MYO15A: variants seen among roughly 807,000 people sequenced by gnomAD.
The protein encoded by MYO15A is myosin XVA, also known as unconventional myosin-XV.
MYO15A carries 308 observed loss-of-function variants against 394.6 expected under a neutral mutation model. That is an observed-to-expected ratio of 0.78 (90% CI 0.71 to 0.86). MYO15A has a LOEUF of 0.86. MYO15A is among the 40% of genes least tolerant of loss of function. The pLI, the probability that MYO15A is intolerant of heterozygous loss-of-function variation, is 0.00. For missense variants in MYO15A, 4,606 were observed against 4,799.1 expected, an observed-to-expected ratio of 0.96 and a Z score of 1.19; for synonymous variants, 1,957 against 2,003.8, an observed-to-expected ratio of 0.98 and a Z score of 0.62.
At chr17:18,131,704 C>T (rs1253816565) in intron 10 of MYO15A, among the ~76,000 whole-genome samples, 173 bp downstream of exon 10, 2 of 152,120 alleles carry the variant, frequency 1.3e-5, no homozygotes, top group African/African-American at 2.4e-5. Flanking sequence ...CCTCCAGCCA[C>T]GGTGGCTCCT....
chr17:18,137,836 G>T, intron 16 of MYO15A, 157 bp downstream of exon 16: 2 of 982,212 alleles, frequency 2.0e-6, no homozygotes, highest in Non-Finnish European at 1.6e-6. Flanking sequence ...CCATGGGAAG[G>T]CCTCTGTTCT....
chr17:18,163,637 A>C, intron 59 of MYO15A, 105 bp from the exon 60 acceptor site: 1 of 1,028,692 alleles, frequency 9.7e-7, no homozygotes, highest in African/African-American at 1.6e-5. Context: ...CTTTGTGAAG[A>C]GGGCTGAGGA....
At chr17:18,133,498 C>G in intron 12 of MYO15A, 112 bp downstream of exon 12, 1 of 1,388,922 alleles carries the variant, frequency 7.2e-7, no homozygotes, top group Non-Finnish European at 9.7e-7. Context: ...ATCACTTGTT[C>G]CTGTTTTTTT....
intron 65 of MYO15A, among the ~76,000 whole-genome samples, chr17:18,174,408 C>G (rs2046984833): frequency 6.6e-6 from 1 of 152,104 alleles, no homozygotes; most frequent in Admixed American, 6.5e-5. Context: ...AAGAGGATCA[C>G]TTGAGCCCAG....
At position 18,166,531 on chromosome 17, in the gene MYO15A, C is replaced by T. The variant is rs754037599; in HGVS notation, c.9948+10C>T. 5.0e-6 allele frequency: 8 copies of T among 1,611,608 alleles called. No individual in the cohort carries two copies. The highest frequency in any genetic ancestry group is 4.5e-5 in the East Asian group (2 of 44,888). ...CATGCACTACAACCAGGTCAGCACA[C>T]GTAGGCTTCTCTGGACTCTGGGACC... On this transcript the variant is annotated intron_variant, in intron 61 of 65. Coordinates refer to ENST00000647165, the MANE Select transcript of MYO15A (RefSeq NM_016239.4).
At chr17:18,136,308 C>T (rs1262332359) in intron 13 of MYO15A, 109 bp from the exon 14 acceptor site, 5 of 1,355,222 alleles carry the variant, frequency 3.7e-6, no homozygotes, top group Non-Finnish European at 5.2e-6. Flanking sequence ...ACAGTCACAA[C>T]ATCCCTCCAG....
intron 33 of MYO15A, 61 bp downstream of exon 33, chr17:18,149,013 C>T: frequency 3.9e-6 from 6 of 1,539,054 alleles, no homozygotes; most frequent in Non-Finnish European, 5.3e-6. Context: ...GCCGGCCACT[C>T]CCAGGCAGAA....
chr17:18,137,745 A>G, intron 16 of MYO15A, 66 bp downstream of exon 16: 2 of 1,522,014 alleles, frequency 1.3e-6, no homozygotes, highest in Non-Finnish European at 1.8e-6. Context: ...TTGGAGACAG[A>G]TGAGGATATA....
At chr17:18,115,293 G>A (rs1232325321) in intron 1 of MYO15A, among the ~76,000 whole-genome samples, 3 of 152,088 alleles carry the variant, frequency 2.0e-5, no homozygotes, top group East Asian at 1.9e-4. Flanking sequence ...TCCTGCAGCC[G>A]CTTCTCCCAT....
rs1169071940 is a variant in MYO15A, at chr17:18,156,262, A to G, written c.8527A>G (p.Lys2843Glu). 1 of 1,613,978 alleles carries G rather than the reference A, an allele frequency of 6.2e-7. No homozygotes were observed. Among genetic ancestry groups the G allele is most frequent in the African/African-American group, 1.3e-5 (1 of 74,890 alleles). ...NMLEFNLASE[K>E]VILFSARAHQ... ...GCTGGAGTTCAACCTGGCCAGTGAG[A>G]AGGTCATCCTCTTCTCAGCCCGAGC... The change falls in exon 48 of 66, where the codon AAG becomes GAG. Residue 2843 changes from lysine to glutamate, a missense_variant. Transcript: ENST00000647165.
At chr17:18,128,563 A>C (rs2046095364) in intron 7 of MYO15A, among the ~76,000 whole-genome samples, 1 of 152,198 alleles carries the variant, frequency 6.6e-6, no homozygotes, top group African/African-American at 2.4e-5. Flanking sequence ...ATGACCAAAC[A>C]GATCATCCCT....
intron 8 of MYO15A, 130 bp downstream of exon 8, chr17:18,130,940 C>T: frequency 9.6e-7 from 1 of 1,042,238 alleles, no homozygotes; most frequent in Non-Finnish European, 1.4e-6. Context: ...GAAAGGACAT[C>T]CAAAGGCCTG....
chr17:18,135,531 G>A (rs548365520), intron 12 of MYO15A, among the ~76,000 whole-genome samples, 180 bp from the exon 13 acceptor site: 2 of 152,062 alleles, frequency 1.3e-5, no homozygotes, highest in African/African-American at 4.8e-5. Flanking sequence ...AGTAGAGACG[G>A]GGTTTCTCCA....
At chr17:18,145,592 T>TA (rs752577321) in intron 29 of MYO15A, among the ~76,000 whole-genome samples, 1 of 152,098 alleles carries the variant, frequency 6.6e-6, no homozygotes, top group Non-Finnish European at 1.5e-5. Flanking sequence ...CATGTGCCTG[T>TA]AATCCTAGCT....
At chr17:18,139,138 G>T in intron 18 of MYO15A, 1 of 733,314 alleles carries the variant, frequency 1.4e-6, no homozygotes, top group Non-Finnish European at 2.3e-6. Flanking sequence ...TAATAATAGT[G>T]CCCAACTCAT....
rs544806056 is a variant in MYO15A at position 18,147,881 on chromosome 17, G to A, written c.6510-148G>A. ...GCCTGGGACCCTTGTGAACCAGCCTGGAGCCTTTTTAGCCTCACCTTGGAG... is the reference window on the plus strand; with the variant it reads ...GCCTGGGACCCTTGTGAACCAGCCTAGAGCCTTTTTAGCCTCACCTTGGAG... On this transcript the variant is annotated intron_variant, in intron 30 of 65. Transcript: ENST00000647165. The surrounding 1 kb of genome is among the most constrained non-coding windows in gnomAD (Gnocchi z 4.4). 1.0e-3 allele frequency: 1,032 copies of A among 994,760 alleles called. 3 individuals carry two copies. Among genetic ancestry groups the A allele is most frequent in the Non-Finnish European group, 1.5e-3 (978 of 646,702 alleles). The allele number at this position is 994,760 out of a possible 1,614,324, so 61.6% of individuals were successfully genotyped here.
At chr17:18,116,507 A>C (rs2045787153) in intron 1 of MYO15A, among the ~76,000 whole-genome samples, 1 of 152,248 alleles carries the variant, frequency 6.6e-6, no homozygotes. Flanking sequence ...AATAGCTCAT[A>C]TCTCACAGAC....
chr17:18,130,444 A>G (rs1053879868), intron 7 of MYO15A, among the ~76,000 whole-genome samples: 9 of 151,864 alleles, frequency 5.9e-5, no homozygotes, highest in Admixed American at 4.6e-4. Flanking sequence ...GCGTGGGAGC[A>G]GTGACTTCCA....
chr17:18,160,330 A>G (rs1750291571), intron 56 of MYO15A, among the ~76,000 whole-genome samples: 1 of 152,192 alleles, frequency 6.6e-6, no homozygotes, highest in Non-Finnish European at 1.5e-5. Context: ...GAGAAGTGAA[A>G]AGTCAGTGAG....
Sources: gnomAD v4.1 joint callset for allele counts (sites outside exome capture counted in the v4.1 genomes callset) on GRCh38, gnomAD v4.1.1 for gene constraint, Gnocchi (gnomAD v3.1) non-coding constraint, MANE v1.5 for transcripts, NCBI Gene and HGNC (gene_info 2026-07-23, HGNC 2026-07-21) for gene names.